Variants in SLC25A27 observed in about 807,000 individuals in gnomAD.
SLC25A27 encodes mitochondrial uncoupling protein 4.
Under a neutral mutation model 49.1 loss-of-function variants are expected in SLC25A27, and 35 were observed. That is an observed-to-expected ratio of 0.71 (90% CI 0.54 to 0.95). The LOEUF is 0.95. SLC25A27 is among the 40% of genes least tolerant of loss of function. The pLI is 0.00. For synonymous variants in SLC25A27, 144 were observed against 136.9 expected (o/e 1.05, Z -0.36); for missense variants, 339 against 397.1 (o/e 0.85, Z 1.24).
Position 46,653,201 on chromosome 6 carries a change from C to A in SLC25A27, c.9C>A (p.Val3=). 1 of 1,613,386 alleles carries A rather than the reference C, an allele frequency of 6.2e-7. No homozygotes were observed. Among genetic ancestry groups the A allele is most frequent in the Non-Finnish European group, 8.5e-7 (1 of 1,179,630 alleles). The part of the protein sequence containing the change: MS[V]PEEEERLLPL... ...TCTTGCGCTACTGCTGAATGTCCGT[C>A]CCGGAGGAGGAGGAGAGGCTTTTGC... The change falls in exon 1 of 9, where the codon GTC becomes GTA. Residue 3 remains valine, a synonymous_variant. Coordinates refer to ENST00000371347, the MANE Select transcript of SLC25A27 (RefSeq NM_004277.5).
intron 2 of SLC25A27, 45 bp from the exon 3 acceptor site, chr6:46,658,917 A>T: frequency 7.9e-7 from 1 of 1,273,192 alleles, no homozygotes; most frequent in Non-Finnish European, 1.2e-6. Flanking sequence ...AAGCATATAG[A>T]TACATATAGC....
In SLC25A27 at chr6:46,665,744, T is replaced by C. The variant is rs538571550; in HGVS notation, c.619+858T>C. Among the ~76,000 whole-genome samples the C allele has an allele frequency of 5.3e-5, 8 of 152,246 alleles. No individual in the cohort carries two copies. The South Asian group carries it at 1.7e-3, about 32-fold the overall frequency. Reference sequence around the variant, plus strand: ...ACGTACTACTTTAGTATCCTTAAAATGACCATTTCTACACCACTAGCCTTC... The same window carrying C: ...ACGTACTACTTTAGTATCCTTAAAACGACCATTTCTACACCACTAGCCTTC... On this transcript the variant is annotated intron_variant, in intron 5 of 8. Coordinates refer to ENST00000371347, the MANE Select transcript of SLC25A27 (RefSeq NM_004277.5).
In SLC25A27 at chr6:46,653,582, A is replaced by G. The variant is rs555481678; in HGVS notation, c.106+284A>G. The G allele has an allele frequency of 3.6e-5, 35 of 985,414 alleles. No individual in the cohort carries two copies. The Admixed American group carries it at 1.3e-3, about 36-fold the overall frequency. 61.0% of individuals were successfully genotyped at this position (985,414 alleles called of 1,614,324 possible). ...GCTTCGCGAGCTGTCATTCCTCTGT[A>G]GGAATCATTTTCCTTTTCATGAGGA... On this transcript the variant is annotated intron_variant, in intron 1 of 8. Transcript: ENST00000371347.
chr6:46,671,596 T>A (rs751213940), intron 8 of SLC25A27, among the ~76,000 whole-genome samples: 3 of 151,968 alleles, frequency 2.0e-5, no homozygotes, highest in Non-Finnish European at 4.4e-5. Flanking sequence ...CAAAAAAAAA[T>A]ACTGTTTCAA....
At chr6:46,663,925 A>G (rs938173381) in intron 4 of SLC25A27, among the ~76,000 whole-genome samples, 3 of 152,210 alleles carry the variant, frequency 2.0e-5, no homozygotes, top group Admixed American at 1.3e-4. Context: ...CATGCATCTC[A>G]TGTATATTAA....
intron 7 of SLC25A27, chr6:46,670,429 A>G: frequency 2.0e-6 from 1 of 504,446 alleles, no homozygotes; most frequent in Non-Finnish European, 3.4e-6. Flanking sequence ...TAACAATCAT[A>G]TTATTTAGAC....
chr6:46,664,927 C>A (rs781090236), intron 5 of SLC25A27, 41 bp downstream of exon 5: 8 of 1,014,398 alleles, frequency 7.9e-6, no homozygotes, highest in Non-Finnish European at 1.2e-5. Flanking sequence ...TCCTAATTGC[C>A]TTAATAGCTG....
intron 8 of SLC25A27, among the ~76,000 whole-genome samples, chr6:46,674,216 C>T (rs1018094193): frequency 4.6e-5 from 7 of 152,056 alleles, no homozygotes; most frequent in African/African-American, 7.2e-5. Flanking sequence ...GTACTTAATA[C>T]GTGCAAAGCT....
chr6:46,654,566 G>C (rs1339557699), intron 1 of SLC25A27, among the ~76,000 whole-genome samples: 1 of 152,154 alleles, frequency 6.6e-6, no homozygotes, highest in Non-Finnish European at 1.5e-5. Context: ...GGAGAGAATT[G>C]TGTGTGGAGA....
chr6:46,660,144 C>T (rs893634802), intron 3 of SLC25A27, among the ~76,000 whole-genome samples: 1 of 151,854 alleles, frequency 6.6e-6, no homozygotes, highest in Admixed American at 6.6e-5. Flanking sequence ...CTAAGCAATT[C>T]ATTGATTCTC....
At position 46,653,231 on chromosome 6, in the gene SLC25A27, G is replaced by C. The variant is rs763842383; in HGVS notation, c.39G>C (p.Leu13=). The change falls in exon 1 of 9, where the codon CTG becomes CTC. Residue 13 remains leucine, a synonymous_variant. Transcript: ENST00000371347. ...VPEEEERLLP[L]TQRWPRASKF... ...AGGAGGAGGAGAGGCTTTTGCCGCT[G>C]ACCCAGAGATGGCCCCGAGCGAGCA... The C allele has an allele frequency of 1.2e-6, 2 of 1,613,616 alleles. No homozygotes were observed. Among genetic ancestry groups the C allele is most frequent in the African/African-American group, 2.7e-5 (2 of 74,928 alleles).
rs1276720350 is a variant in SLC25A27, at chr6:46,677,045, TA to T, written c.*599del. On this transcript the variant is annotated 3_prime_UTR_variant, in exon 9 of 9. Coordinates refer to ENST00000371347, the MANE Select transcript of SLC25A27 (RefSeq NM_004277.5). ...GGTGTACTTTTTCTTGTCAGAAAGA[TA>T]AAAAAAATCAAGTTGAGATGATGTT... The T allele has an allele frequency of 2.3e-5, 5 of 218,400 alleles. No homozygotes were observed. The highest frequency in any genetic ancestry group is 1.1e-4 in the South Asian group (1 of 8,940). The allele number at this position is 218,400 out of a possible 1,614,324, so 13.5% of individuals were successfully genotyped here.
chr6:46,676,626 A>T lies in SLC25A27; in HGVS notation c.*172A>T. 6.4e-7 allele frequency: 1 copy of T among 1,551,296 alleles called. No homozygotes were observed. The highest frequency in any genetic ancestry group is 8.7e-7 in the Non-Finnish European group (1 of 1,147,076). ...TTTCTGGAAACCCAAGTTCTCTTTG[A>T]CTCCTCTTTTTGTCCAAAAGTGATC... is the stretch of plus-strand genomic sequence containing the variant. On this transcript the variant is annotated 3_prime_UTR_variant, in exon 9 of 9. Coordinates refer to ENST00000371347, the MANE Select transcript of SLC25A27 (RefSeq NM_004277.5).
In SLC25A27 at chr6:46,676,631, T is replaced by G. The variant is rs754516989; in HGVS notation, c.*177T>G. 74 of 1,551,158 alleles carry G rather than the reference T, an allele frequency of 4.8e-5. No homozygotes were observed. The highest frequency in any genetic ancestry group is 6.0e-5 in the Non-Finnish European group (69 of 1,147,088). On this transcript the variant is annotated 3_prime_UTR_variant, in exon 9 of 9. Coordinates refer to ENST00000371347, the MANE Select transcript of SLC25A27 (RefSeq NM_004277.5). ...GGAAACCCAAGTTCTCTTTGACTCC[T>G]CTTTTTGTCCAAAAGTGATCTGGTC...
intron 3 of SLC25A27, among the ~76,000 whole-genome samples, chr6:46,660,615 T>C (rs566355182): frequency 1.3e-5 from 2 of 152,288 alleles, no homozygotes; most frequent in South Asian, 4.1e-4. Context: ...TAGGTTATGA[T>C]ATATTTATGG....
At chr6:46,670,110 C>G (rs534500111) in intron 6 of SLC25A27, 25 bp from the exon 7 acceptor site, 2 of 1,511,158 alleles carry the variant, frequency 1.3e-6, no homozygotes, top group Non-Finnish European at 9.1e-7. Context: ...TACCATCTTT[C>G]AATTTCATTT....
chr6:46,662,419 T>C lies in SLC25A27; in HGVS notation c.427T>C (p.Phe143Leu), dbSNP rs370462167. Residue 143 changes from phenylalanine (F) to leucine (L), a missense_variant, in exon 4 of 9, where the codon TTT becomes CTT. Phe to Leu is a conservative substitution (Grantham distance 22). Coordinates refer to ENST00000371347, the MANE Select transcript of SLC25A27 (RefSeq NM_004277.5). ...GGMMAGVIGQ[F>L]LANPTDLVKV... The stretch of plus-strand genomic sequence containing the variant: ...GATGATGGCTGGTGTTATTGGCCAG[T>C]TTTTAGCCAATCCAACTGACCTAGT... 1.2e-5 allele frequency: 20 copies of C among 1,613,420 alleles called. No individual in the cohort carries two copies. The highest frequency in any genetic ancestry group is 1.4e-5 in the Non-Finnish European group (16 of 1,179,500).
chr6:46,657,036 C>A (rs1016704187), intron 2 of SLC25A27, among the ~76,000 whole-genome samples: 10 of 152,126 alleles, frequency 6.6e-5, no homozygotes, highest in African/African-American at 1.9e-4. Context: ...CCTGGTGGCA[C>A]ATGACTGTAG....
chr6:46,670,320 T>G, intron 7 of SLC25A27, 93 bp downstream of exon 7: 1 of 814,406 alleles, frequency 1.2e-6, no homozygotes, highest in South Asian at 1.8e-5. Context: ...TTGATAGAAA[T>G]GTATTTGTGT....
Sources: allele counts gnomAD v4.1 joint callset (sites outside exome capture counted in the v4.1 genomes callset), GRCh38; gene constraint gnomAD v4.1.1; transcripts MANE v1.5; gene names NCBI Gene and HGNC (gene_info 2026-07-23, HGNC 2026-07-21).